CLYBL: variants seen among roughly 807,000 people sequenced by gnomAD.
CLYBL encodes the protein citramalyl-CoA lyase, mitochondrial.
Under a neutral mutation model 38.9 loss-of-function variants are expected in CLYBL, and 31 were observed. The observed-to-expected ratio is 0.80, with a 90% CI of 0.60 to 1.08. The LOEUF is 1.08. Among genes scored for constraint, CLYBL ranks in the 50% least tolerant of loss-of-function variants. The pLI is 0.00. For synonymous variants in CLYBL, 171 were observed against 158.6 expected, an observed-to-expected ratio of 1.08 and a Z score of -0.59; for missense variants, 434 against 411.6, an observed-to-expected ratio of 1.05 and a Z score of -0.47.
At chr13:99,744,103 G>C (rs2048807945) in intron 1 of CLYBL, among the ~76,000 whole-genome samples, 1 of 151,330 alleles carries the variant, frequency 6.6e-6, no homozygotes, top group African/African-American at 2.4e-5. Context: ...CTCCCGAGTA[G>C]CTGGGACTAC....
chr13:99,896,156 C>T (rs1310119626), downstream of CLYBL: 1 of 151,482 alleles, frequency 6.6e-6, no homozygotes, highest in African/African-American at 2.4e-5. Context: ...ACTGTGGGCC[C>T]TGCTCGCCCG....
rs561379581 is a variant in CLYBL, at chr13:99,789,350, C to T, written c.249+16340C>T. Among the ~76,000 whole-genome samples the T allele has an allele frequency of 2.3e-3, 348 of 152,236 alleles. 1 individual carries two copies. Among genetic ancestry groups the T allele is most frequent in the African/African-American group, 8.2e-3 (342 of 41,540 alleles). ...GTGGGCATTTAGTGCTATAAATTTC[C>T]CTCTACACACTACTTTAAATGTGTC... is the stretch of plus-strand genomic sequence containing the variant. On this transcript the variant is annotated intron_variant, in intron 2 of 8. Coordinates refer to ENST00000339105, the MANE Select transcript of CLYBL (RefSeq NM_206808.5).
chr13:99,614,828 C>G (rs2046684670), intron 1 of CLYBL, among the ~76,000 whole-genome samples: 1 of 152,150 alleles, frequency 6.6e-6, no homozygotes, highest in Non-Finnish European at 1.5e-5. Context: ...CCCTCCCTCC[C>G]TCTCTCTGTC....
chr13:99,746,028 C>CAA (rs11419450), intron 1 of CLYBL, among the ~76,000 whole-genome samples: 27,143 of 135,778 alleles, frequency 0.2, 2,908 homozygotes, highest in South Asian at 0.26. Context: ...TGACAGTTAC[C>CAA]AAAAAAAAAA....
chr13:99,739,805 T>A (rs1004412165), intron 1 of CLYBL, among the ~76,000 whole-genome samples: 1 of 152,042 alleles, frequency 6.6e-6, no homozygotes, highest in Non-Finnish European at 1.5e-5. Flanking sequence ...TGAAACTCCA[T>A]CTCTATTAAA....
chr13:99,667,719 A>G (rs902823649), intron 1 of CLYBL, among the ~76,000 whole-genome samples: 7 of 152,170 alleles, frequency 4.6e-5, no homozygotes, highest in African/African-American at 7.2e-5. Flanking sequence ...TTTGACTCAG[A>G]TATTTCTAGT....
chr13:99,627,675 T>G (rs1170627067), intron 1 of CLYBL, among the ~76,000 whole-genome samples: 1 of 152,256 alleles, frequency 6.6e-6, no homozygotes, highest in Non-Finnish European at 1.5e-5. Context: ...TAATTTGCTT[T>G]TTCTGTTTTT....
chr13:99,797,566 G>GTGTGTGTGTGTA (rs2050048490), intron 2 of CLYBL, among the ~76,000 whole-genome samples: 1 of 151,150 alleles, frequency 6.6e-6, no homozygotes. Flanking sequence ...CTGTTTGTGT[G>GTGTGTGTGTGTA]TGTGTGTGTG....
At chr13:99,643,374 T>C (rs1212657713) in intron 1 of CLYBL, among the ~76,000 whole-genome samples, 1 of 152,246 alleles carries the variant, frequency 6.6e-6, no homozygotes, top group African/African-American at 2.4e-5. Context: ...ATCTCTGTCT[T>C]TGTCATCTAG....
chr13:99,827,434 G>A (rs1481767774), intron 2 of CLYBL, among the ~76,000 whole-genome samples: 1 of 152,178 alleles, frequency 6.6e-6, no homozygotes, highest in East Asian at 1.9e-4. Flanking sequence ...GATGAGGAAT[G>A]TAGTCACAGT....
intron 1 of CLYBL, among the ~76,000 whole-genome samples, chr13:99,636,931 G>A (rs370697379): frequency 6.6e-5 from 10 of 152,164 alleles, no homozygotes; most frequent in African/African-American, 2.4e-4. Flanking sequence ...TCGGAGTGCA[G>A]TGGTGCAGTC....
At chr13:99,812,457 G>T (rs1015529321) in intron 2 of CLYBL, among the ~76,000 whole-genome samples, 1 of 152,196 alleles carries the variant, frequency 6.6e-6, no homozygotes, top group Non-Finnish European at 1.5e-5. Context: ...GAAAACATGG[G>T]TTTGGGAATC....
Position 99,858,844 on chromosome 13 carries a change from TTTA to T in CLYBL, c.250-14_250-12del. ...AATGATAAAAATAAACAATAAACTTTTTATTGACACTTACAGAATGAAGCTCGA... is the reference window on the plus strand; with the variant it reads ...AATGATAAAAATAAACAATAAACTTTTTGACACTTACAGAATGAAGCTCGA... On this transcript the variant is annotated splice_polypyrimidine_tract_variant and intron_variant, in intron 2 of 8. Transcript: ENST00000339105. 1 of 1,569,044 alleles carries T rather than the reference TTTA, an allele frequency of 6.4e-7. No individual in the cohort carries two copies. The highest frequency in any genetic ancestry group is 8.6e-7 in the Non-Finnish European group (1 of 1,158,358).
chr13:99,836,223 G>A (rs758302884), intron 2 of CLYBL, among the ~76,000 whole-genome samples: 2 of 152,238 alleles, frequency 1.3e-5, no homozygotes, highest in Non-Finnish European at 1.5e-5. Context: ...CAGGGGGAGC[G>A]TTGGTTGGTG....
chr13:99,906,427 TTGAG>T (rs201064173), intron 9 of CLYBL, among the ~76,000 whole-genome samples: 2 of 11,816 alleles, frequency 1.7e-4, no homozygotes, highest in East Asian at 2.8e-3. Flanking sequence ...CAGAGCTTTT[TTGAG>T]TTTTCTTTTT....
At chr13:99,692,025 G>A (rs759980786) in intron 1 of CLYBL, among the ~76,000 whole-genome samples, 2 of 152,168 alleles carry the variant, frequency 1.3e-5, no homozygotes, top group Non-Finnish European at 2.9e-5. Context: ...GAAACTCAGT[G>A]TACATCCTTC....
intron 8 of CLYBL, among the ~76,000 whole-genome samples, chr13:99,903,128 G>C (rs9585260): frequency 6.6e-6 from 1 of 152,034 alleles, no homozygotes. Flanking sequence ...CAGGAGCCTC[G>C]ATTTCATAAC....
chr13:99,763,962 T>C (rs1027847892), intron 1 of CLYBL, among the ~76,000 whole-genome samples: 3 of 152,208 alleles, frequency 2.0e-5, no homozygotes, highest in Non-Finnish European at 4.4e-5. Context: ...TTTCGTCATG[T>C]CCTTCTCTGG....
intron 1 of CLYBL, among the ~76,000 whole-genome samples, chr13:99,757,398 G>T (rs2049083315): frequency 6.6e-6 from 1 of 152,130 alleles, no homozygotes; most frequent in Admixed American, 6.6e-5. Context: ...CGCTAGTGCA[G>T]CTGCCCTCCA....
Sources: gnomAD v4.1 joint callset for allele counts (sites outside exome capture counted in the v4.1 genomes callset) on GRCh38, gnomAD v4.1.1 for gene constraint, MANE v1.5 for transcripts, NCBI Gene and HGNC (gene_info 2026-07-23, HGNC 2026-07-21) for gene names.